Variants in RFC4 observed in about 807,000 individuals in gnomAD.
The protein encoded by RFC4 is replication factor C subunit 4, also known as A1 37 kDa subunit.
A neutral mutation model predicts 47.6 loss-of-function variants in RFC4; 38 were observed. The observed-to-expected ratio is 0.80, with a 90% confidence interval of 0.62 to 1.05. The LOEUF (loss-of-function observed/expected upper bound fraction) is 1.05. RFC4 is among the 50% of genes least tolerant of loss of function. The probability of loss-of-function intolerance (pLI) is 0.00; values close to 1 mark genes in which losing one functional copy is unlikely to be tolerated. For missense variants in RFC4, 489 were observed against 434.0 expected, an observed-to-expected ratio of 1.13 and a Z score of -1.13; for synonymous variants, 164 against 150.0, an observed-to-expected ratio of 1.09 and a Z score of -0.68.
At chr3:186,790,113 C>CAATGGAA in intron 10 of RFC4, 29 bp downstream of exon 10, 1 of 1,603,050 alleles carries the variant, frequency 6.2e-7, no homozygotes, top group Non-Finnish European at 8.5e-7. Context: ...GTTAAATGTT[C>CAATGGAA]CATTGACATG....
chr3:186,803,376 A>C (rs191913007), intron 2 of RFC4, among the ~76,000 whole-genome samples: 1 of 152,072 alleles, frequency 6.6e-6, no homozygotes, highest in Non-Finnish European at 1.5e-5. Context: ...CAAGCAAAAA[A>C]CAAAAACACA....
At chr3:186,794,585 G>C (rs1210401577) in intron 5 of RFC4, 73 bp downstream of exon 5, 4 of 1,433,782 alleles carry the variant, frequency 2.8e-6, no homozygotes, top group South Asian at 2.5e-5. Context: ...TAGCCAAAAG[G>C]CTGAGGAGCG....
intron 2 of RFC4, among the ~76,000 whole-genome samples, chr3:186,803,267 T>C (rs13070195): frequency 6.6e-6 from 1 of 151,702 alleles, no homozygotes; most frequent in South Asian, 2.1e-4. Flanking sequence ...CACTTGAACC[T>C]GGGAGGCAGA....
rs914395348 is a variant in RFC4, at chr3:186,793,732, T to C, written c.411-785A>G. On this transcript the variant is annotated intron_variant, in intron 5 of 10. Coordinates refer to ENST00000296273, the MANE Select transcript of RFC4 (RefSeq NM_002916.5). The surrounding 1 kb of genome is among the most constrained non-coding windows in gnomAD (Gnocchi z 4.2). ...GTCTATGCAGATCCTTTGCCTTTTT[T>C]TTTTTTTTGAGATAGAGTCTTGCTC... Among the ~76,000 whole-genome samples, 20 of 152,116 alleles carry C rather than the reference T, an allele frequency of 1.3e-4. No homozygotes were observed. The highest frequency in any genetic ancestry group is 4.3e-4 in the African/African-American group (18 of 41,416).
At chr3:186,791,479 AAAAC>A (rs1267759369) in intron 8 of RFC4, 1 of 459,766 alleles carries the variant, frequency 2.2e-6, no homozygotes, top group African/African-American at 2.0e-5. Flanking sequence ...CAAAAAAAAA[AAAAC>A]AAAAAAACTA....
intron 3 of RFC4, among the ~76,000 whole-genome samples, chr3:186,798,729 T>C (rs540538704): frequency 5.1e-4 from 78 of 152,270 alleles, no homozygotes; most frequent in African/African-American, 1.7e-3. Context: ...CAACTCCTAA[T>C]GCATTACAAA....
At chr3:186,799,894 T>C (rs1032362607) in intron 3 of RFC4, among the ~76,000 whole-genome samples, 6 of 152,210 alleles carry the variant, frequency 3.9e-5, no homozygotes, top group African/African-American at 1.4e-4. Context: ...AATAAAATGC[T>C]ATACTATTAT....
chr3:186,803,864 C>CA (rs1248564784), intron 2 of RFC4, among the ~76,000 whole-genome samples: 1 of 151,908 alleles, frequency 6.6e-6, no homozygotes, highest in Non-Finnish European at 1.5e-5. Context: ...GTTGTTTGGA[C>CA]AAAAATGTAT....
intron 5 of RFC4, among the ~76,000 whole-genome samples, chr3:186,794,039 T>G (rs1018239525): frequency 6.6e-6 from 1 of 152,142 alleles, no homozygotes; most frequent in African/African-American, 2.4e-5. Flanking sequence ...ATTTTTTAAT[T>G]GGGTTATTTG....
At chr3:186,798,719 C>T (rs904074218) in intron 3 of RFC4, among the ~76,000 whole-genome samples, 1 of 152,096 alleles carries the variant, frequency 6.6e-6, no homozygotes, top group Non-Finnish European at 1.5e-5. Flanking sequence ...TCTGCCTGGC[C>T]AACTCCTAAT....
At position 186,790,263 on chromosome 3, in the gene RFC4, A is replaced by AT; in HGVS notation, c.883-9_883-8insA. On this transcript the variant is annotated splice_polypyrimidine_tract_variant and intron_variant, in intron 9 of 10. Coordinates refer to ENST00000296273, the MANE Select transcript of RFC4 (RefSeq NM_002916.5). ...ACCCTCATCTATTAAATCCTATAAT[A>AT]AAAAAAACTTTTGGTATGATGACTT... 6.2e-7 allele frequency: 1 copy of AT among 1,609,396 alleles called. No homozygotes were observed. The highest frequency in any genetic ancestry group is 8.5e-7 in the Non-Finnish European group (1 of 1,176,068).
At chr3:186,795,501 T>C (rs1260421919) in intron 4 of RFC4, among the ~76,000 whole-genome samples, 1 of 152,108 alleles carries the variant, frequency 6.6e-6, no homozygotes. Flanking sequence ...TAGCACATTT[T>C]AAATTATTTC....
intron 2 of RFC4, 79 bp from the exon 3 acceptor site, chr3:186,801,274 TAAA>T: frequency 9.8e-7 from 1 of 1,022,562 alleles, no homozygotes; most frequent in Non-Finnish European, 1.5e-6. Flanking sequence ...TTCCTTCTAC[TAAA>T]ATACCAATGA....
intron 2 of RFC4, among the ~76,000 whole-genome samples, chr3:186,804,344 G>T (rs184483332): frequency 7.4e-4 from 112 of 152,034 alleles, no homozygotes; most frequent in African/African-American, 2.7e-3. Context: ...CCCTAAAATG[G>T]AAGCCTCTGC....
chr3:186,797,805 C>T (rs987797539), intron 3 of RFC4, among the ~76,000 whole-genome samples, 191 bp from the exon 4 acceptor site: 1 of 152,192 alleles, frequency 6.6e-6, no homozygotes, highest in Non-Finnish European at 1.5e-5. Flanking sequence ...TTTTCATATA[C>T]TACCACTTTT....
At chr3:186,800,366 TA>T in intron 3 of RFC4, among the ~76,000 whole-genome samples, 1 of 152,348 alleles carries the variant, frequency 6.6e-6, no homozygotes, top group East Asian at 1.9e-4. Context: ...TGTAGTAATA[TA>T]ATTTCAGCAA....
rs748357290 is a variant in RFC4 at position 186,790,417 on chromosome 3, G to C, written c.802-11C>G. 6.9e-6 allele frequency: 11 copies of C among 1,584,140 alleles called. No individual in the cohort carries two copies. Among genetic ancestry groups the C allele is most frequent in the Non-Finnish European group, 9.5e-6 (11 of 1,152,902 alleles). On this transcript the variant is annotated splice_polypyrimidine_tract_variant and intron_variant, in intron 8 of 10. Transcript: ENST00000296273. ...CTCAGCTGGTATTACCTAGGTAATTGAATGTTCGGTATTAAAGATGTTTCT... is the reference window on the plus strand; with the variant it reads ...CTCAGCTGGTATTACCTAGGTAATTCAATGTTCGGTATTAAAGATGTTTCT...
At chr3:186,800,522 A>T (rs1414134602) in intron 3 of RFC4, among the ~76,000 whole-genome samples, 1 of 152,206 alleles carries the variant, frequency 6.6e-6, no homozygotes, top group African/African-American at 2.4e-5. Context: ...GGCATTCATC[A>T]TAACACAACT....
Position 186,792,796 on chromosome 3 carries a change from A to G in RFC4, c.554+8T>C, listed in dbSNP as rs1483233956. On this transcript the variant is annotated splice_region_variant and intron_variant, in intron 6 of 10. Transcript: ENST00000296273. ...GCCTAGCATCTGTCTTCAGGGCAAT[A>G]TACATACCGACTGACATAGTTACAG... The G allele has an allele frequency of 2.5e-6, 4 of 1,610,542 alleles. No individual in the cohort carries two copies. Among genetic ancestry groups the G allele is most frequent in the Non-Finnish European group, 3.4e-6 (4 of 1,178,780 alleles).
Sources: allele counts gnomAD v4.1 joint callset (sites outside exome capture counted in the v4.1 genomes callset), GRCh38; gene constraint gnomAD v4.1.1; non-coding constraint Gnocchi (gnomAD v3.1); transcripts MANE v1.5; gene names NCBI Gene and HGNC (gene_info 2026-07-23, HGNC 2026-07-21).